Variants in LRRN2 observed in about 807,000 individuals in gnomAD.
LRRN2 encodes leucine-rich repeat neuronal protein 2.
LRRN2 carries 10 observed loss-of-function variants against 35.7 expected under a neutral mutation model. That is an observed-to-expected ratio of 0.28 (90% confidence interval 0.17 to 0.47). The LOEUF is 0.47. Ranked by LOEUF, LRRN2 falls within the 20% of genes least tolerant of loss-of-function variation. LRRN2 has a pLI of 0.99. For synonymous variants in LRRN2, 391 were observed against 409.6 expected (o/e 0.95, Z 0.55); for missense variants, 731 against 940.3 (o/e 0.78, Z 2.91).
intron 1 of LRRN2, among the ~76,000 whole-genome samples, chr1:204,629,991 T>A (rs1378527910): frequency 1.3e-5 from 2 of 152,116 alleles, no homozygotes; most frequent in Non-Finnish European, 1.5e-5. Flanking sequence ...ATATATCAGG[T>A]ATATGCTCAC....
rs1483174221 is a variant in LRRN2, at chr1:204,617,570, G to A, written c.*281C>T. The A allele has an allele frequency of 6.8e-6, 3 of 440,578 alleles. No homozygotes were observed. Among genetic ancestry groups the A allele is most frequent in the Non-Finnish European group, 1.2e-5 (3 of 243,408 alleles). The allele number at this position is 440,578 out of a possible 1,614,324, so 27.3% of individuals were successfully genotyped here. A position where few individuals can be genotyped will look rare whatever the true frequency, so the allele number is the denominator to read the frequency against. ...CCAGGCCCAGGAGCCTCTGGGCAGA[G>A]AGAAGATGGGGAGGCAGGAGGCTCT... is the stretch of plus-strand genomic sequence containing the variant. On this transcript the variant is annotated 3_prime_UTR_variant, in exon 2 of 2. Coordinates refer to ENST00000367177, the MANE Select transcript of LRRN2 (RefSeq NM_201630.2).
At chr1:204,670,149 C>T (rs1340221172) in intron 1 of LRRN2, among the ~76,000 whole-genome samples, 3 of 152,058 alleles carry the variant, frequency 2.0e-5, no homozygotes, top group African/African-American at 7.2e-5. Context: ...TCAGCCTGAA[C>T]TAGTGTGGAG....
intron 1 of LRRN2, among the ~76,000 whole-genome samples, chr1:204,657,135 T>C (rs1009140059): frequency 6.6e-6 from 1 of 151,916 alleles, no homozygotes; most frequent in Admixed American, 6.6e-5. Flanking sequence ...GAAACCCCCG[T>C]CTCTACTAAA....
At chr1:204,636,242 C>T (rs568769300) in intron 1 of LRRN2, among the ~76,000 whole-genome samples, 3 of 152,286 alleles carry the variant, frequency 2.0e-5, no homozygotes, top group East Asian at 3.9e-4. Context: ...ACAGACGCGG[C>T]TTCTGTAATT....
chr1:204,652,959 G>A lies in LRRN2; in HGVS notation c.-227+32361C>T, dbSNP rs1271099094. On this transcript the variant is annotated intron_variant, in intron 1 of 1. Transcript: ENST00000367177. ...CACCAACTTGCTACCTTCACGTGGG[G>A]GTCTGTCCCGGGTGCAGCCTCCACA... 1.3e-5 allele frequency among the ~76,000 whole-genome samples: 2 copies of A among 152,162 alleles called. 1 individual carries two copies. The highest frequency in any genetic ancestry group is 3.9e-4 in the East Asian group (2 of 5,190).
At chr1:204,620,288 T>C in intron 1 of LRRN2, 70 bp from the exon 2 acceptor site, 1 of 1,147,482 alleles carries the variant, frequency 8.7e-7, no homozygotes, top group Non-Finnish European at 1.2e-6. Context: ...CCGTGTTTGT[T>C]TGTTTGAGAC....
At chr1:204,627,413 C>T (rs923321665) in intron 1 of LRRN2, 3 of 152,240 alleles carry the variant, frequency 2.0e-5, no homozygotes, top group Non-Finnish European at 4.4e-5. Flanking sequence ...CTCCCCTCGT[C>T]TCTGGAATGA....
intron 1 of LRRN2, among the ~76,000 whole-genome samples, chr1:204,680,938 A>T (rs2102246481): frequency 6.6e-6 from 1 of 151,510 alleles, no homozygotes; most frequent in East Asian, 1.9e-4. Context: ...CCTAATCCGC[A>T]AACAGCAAAC....
chr1:204,619,339 C>G lies in LRRN2; in HGVS notation c.654G>C (p.Leu218=). 1 of 1,614,200 alleles carries G rather than the reference C, an allele frequency of 6.2e-7. No homozygotes were observed. Among genetic ancestry groups the G allele is most frequent in the South Asian group, 1.1e-5 (1 of 91,074 alleles). ...NFRPLANLRS[L]VLAGMNLREI... Reference sequence around the variant, plus strand: ...CCCGCAGGTTCATGCCTGCTAGCACCAGGCTACGCAGGTTGGCCAGGGGCC... The same window carrying G: ...CCCGCAGGTTCATGCCTGCTAGCACGAGGCTACGCAGGTTGGCCAGGGGCC... Residue 218 remains leucine, a synonymous_variant, in exon 2 of 2, where the codon CTG becomes CTC. Coordinates refer to ENST00000367177, the MANE Select transcript of LRRN2 (RefSeq NM_201630.2).
At chr1:204,684,930 C>T (rs1445150258) in intron 1 of LRRN2, among the ~76,000 whole-genome samples, 1 of 152,244 alleles carries the variant, frequency 6.6e-6, no homozygotes, top group East Asian at 1.9e-4. Flanking sequence ...CTCACTGCCA[C>T]CTCTCGGCTC....
chr1:204,621,985 T>G (rs1666927309), intron 1 of LRRN2: 1 of 167,124 alleles, frequency 6.0e-6, no homozygotes, highest in African/African-American at 2.4e-5. Flanking sequence ...TACCTCCAGT[T>G]TGCAGATTAA....
intron 1 of LRRN2, among the ~76,000 whole-genome samples, chr1:204,676,764 T>G (rs1435918431): frequency 2.6e-5 from 4 of 151,916 alleles, no homozygotes; most frequent in Non-Finnish European, 5.9e-5. Context: ...TCTAGAGGAG[T>G]GGCCCTGGGG....
At position 204,619,483 on chromosome 1, in the gene LRRN2, C is replaced by T. The variant is rs1294532496; in HGVS notation, c.510G>A (p.Leu170=). ...CCCTCAGGAGGTTGGAGTTGAGGTG[C>T]AGCCGCAGCAAGTTGCTGAGGCCAG... The part of the protein sequence containing the change: ...AFSGLSNLLR[L]HLNSNLLRAI... Residue 170 remains leucine (L), a synonymous_variant, in exon 2 of 2, where the codon CTG becomes CTA. Coordinates refer to ENST00000367177, the MANE Select transcript of LRRN2 (RefSeq NM_201630.2). 6.2e-7 allele frequency: 1 copy of T among 1,614,244 alleles called. No individual in the cohort carries two copies. Among genetic ancestry groups the T allele is most frequent in the Non-Finnish European group, 8.5e-7 (1 of 1,180,044 alleles).
At position 204,638,058 on chromosome 1, in the gene LRRN2, C is replaced by T. The variant is rs139295964; in HGVS notation, c.-226-17840G>A. 7.0e-4 allele frequency among the ~76,000 whole-genome samples: 107 copies of T among 152,286 alleles called. 1 individual carries two copies. Among genetic ancestry groups the T allele is most frequent in the African/African-American group, 2.4e-3 (99 of 41,560 alleles). On this transcript the variant is annotated intron_variant, in intron 1 of 1. Transcript: ENST00000367177. ...CTCCCTCCCGCCTCGTGAAAGCATTCACTGAGCGTAGGGGGACCCCAACAG... is the reference window on the plus strand; with the variant it reads ...CTCCCTCCCGCCTCGTGAAAGCATTTACTGAGCGTAGGGGGACCCCAACAG...
intron 1 of LRRN2, among the ~76,000 whole-genome samples, chr1:204,632,794 C>T (rs960802983): frequency 7.9e-5 from 12 of 151,752 alleles, no homozygotes; most frequent in South Asian, 2.1e-4. Context: ...ATTAGCCAGG[C>T]GTGGTGGCGG....
At chr1:204,658,912 G>T (rs964872880) in intron 1 of LRRN2, among the ~76,000 whole-genome samples, 13 of 152,334 alleles carry the variant, frequency 8.5e-5, no homozygotes, top group Middle Eastern at 3.4e-3. Flanking sequence ...AGTCCATCAT[G>T]TTTAAACAGA....
rs1439093076 is a variant in LRRN2, at chr1:204,685,405, C to T, written c.-312G>A. Reference sequence around the variant, plus strand: ...TCCGCCCGGGGCCGGGCTGGGGACGCTGGTCCGCGCCCTCCCGCCGCGCGC... The same window carrying T: ...TCCGCCCGGGGCCGGGCTGGGGACGTTGGTCCGCGCCCTCCCGCCGCGCGC... On this transcript the variant is annotated 5_prime_UTR_variant, in exon 1 of 2. Transcript: ENST00000367177. 2 of 151,588 alleles carry T rather than the reference C, an allele frequency of 1.3e-5. No homozygotes were observed. The highest frequency in any genetic ancestry group is 2.9e-5 in the Non-Finnish European group (2 of 67,874). 9.4% of individuals were successfully genotyped at this position (151,588 alleles called of 1,614,324 possible).
At chr1:204,681,141 G>A (rs1338236947) in intron 1 of LRRN2, among the ~76,000 whole-genome samples, 1 of 152,118 alleles carries the variant, frequency 6.6e-6, no homozygotes. Flanking sequence ...ATTTTTAGCA[G>A]AGATGGGGTT....
chr1:204,654,033 C>CAAAAAAAAAA (rs56179230), intron 1 of LRRN2, among the ~76,000 whole-genome samples: 2 of 84,300 alleles, frequency 2.4e-5, no homozygotes, highest in Non-Finnish European at 4.7e-5. Context: ...GAGACCCTGA[C>CAAAAAAAAAA]AAAAAAAAAA....
Sources: gnomAD v4.1 joint callset for allele counts (sites outside exome capture counted in the v4.1 genomes callset) on GRCh38, gnomAD v4.1.1 for gene constraint, MANE v1.5 for transcripts, NCBI Gene and HGNC (gene_info 2026-07-23, HGNC 2026-07-21) for gene names.